Variants in NFATC1 observed in about 807,000 individuals in gnomAD.
NFATC1 encodes nuclear factor of activated T cells 1, also known as nuclear factor of activated T-cells, cytoplasmic 1.
NFATC1 carries 22 observed loss-of-function variants against 76.0 expected under a neutral mutation model. The ratio of observed to expected loss-of-function variants is 0.29; its 90% CI spans 0.21 to 0.41. NFATC1 has a LOEUF of 0.41. Among genes scored for constraint, NFATC1 ranks in the 10% least tolerant of loss-of-function variants. The probability of loss-of-function intolerance (pLI) is 1.00; values close to 1 mark genes in which losing one functional copy is unlikely to be tolerated. For synonymous variants in NFATC1, 704 were observed against 613.1 expected (o/e 1.15, Z -2.19); for missense variants, 1,357 against 1,337.7 (o/e 1.01, Z -0.23).
chr18:79,487,385 G>A lies in NFATC1; in HGVS notation c.2782+448G>A, dbSNP rs1271505356. On this transcript the variant is annotated intron_variant, in intron 9 of 9. Transcript: ENST00000427363. ...GACAACAGCTTAGCCGAGGTGACGAGCACGTTACCCCGTGCGGCTCTGTAA... is the reference window on the plus strand; with the variant it reads ...GACAACAGCTTAGCCGAGGTGACGAACACGTTACCCCGTGCGGCTCTGTAA... Among the ~76,000 whole-genome samples, 12 of 152,340 alleles carry A rather than the reference G, an allele frequency of 7.9e-5. No homozygotes were observed. In the East Asian group the frequency reaches 2.1e-3, roughly 27 times the overall value.
At chr18:79,462,238 C>G (rs7237285) in intron 7 of NFATC1, among the ~76,000 whole-genome samples, 8,431 of 152,272 alleles carry the variant, frequency 0.055, 750 homozygotes, top group African/African-American at 0.19. Context: ...AAAGTGGTTT[C>G]TTGGAGGCAA....
chr18:79,437,590 G>A (rs1006758194), intron 3 of NFATC1, among the ~76,000 whole-genome samples: 14 of 152,228 alleles, frequency 9.2e-5, no homozygotes, highest in Admixed American at 6.5e-5. Context: ...AAAGTGATGC[G>A]TGGCGGATGT....
intron 2 of NFATC1, among the ~76,000 whole-genome samples, chr18:79,423,676 C>T (rs1417393373): frequency 4.6e-5 from 7 of 152,146 alleles, no homozygotes; most frequent in African/African-American, 1.2e-4. Flanking sequence ...CCTCACCCGG[C>T]GGGCAGGAGG....
At chr18:79,445,874 C>G (rs1445692537) in intron 3 of NFATC1, among the ~76,000 whole-genome samples, 1 of 152,222 alleles carries the variant, frequency 6.6e-6, no homozygotes, top group African/African-American at 2.4e-5. Context: ...GTGCACGCAG[C>G]TGAGTTCCAC....
intron 8 of NFATC1, chr18:79,467,998 C>T: frequency 9.9e-7 from 1 of 1,006,876 alleles, no homozygotes. Context: ...GCTTTTAAGC[C>T]TGTAGTCCTG....
intron 2 of NFATC1, 79 bp from the exon 3 acceptor site, chr18:79,433,500 G>A (rs1409512347): frequency 3.0e-5 from 47 of 1,556,486 alleles, no homozygotes; most frequent in Non-Finnish European, 4.0e-5. Flanking sequence ...CCAAGATGGC[G>A]ACGGGTGAGC....
At chr18:79,450,265 G>A (rs1198867582) in intron 4 of NFATC1, among the ~76,000 whole-genome samples, 1 of 152,118 alleles carries the variant, frequency 6.6e-6, no homozygotes, top group Non-Finnish European at 1.5e-5. Context: ...TACATGGAAT[G>A]TTTTACTGGA....
At chr18:79,397,250 T>G (rs1028649394) in intron 1 of NFATC1, among the ~76,000 whole-genome samples, 2 of 152,270 alleles carry the variant, frequency 1.3e-5, no homozygotes, top group Admixed American at 6.5e-5. Context: ...GCAATGCTAA[T>G]GGAAATTGGA....
chr18:79,424,092 C>T (rs978314361), intron 2 of NFATC1, among the ~76,000 whole-genome samples: 7 of 152,226 alleles, frequency 4.6e-5, no homozygotes, highest in Non-Finnish European at 1.0e-4. Flanking sequence ...AAGAAAACCA[C>T]GTGGTCTGTG....
chr18:79,448,629 C>T, intron 3 of NFATC1, 153 bp from the exon 4 acceptor site: 1 of 727,684 alleles, frequency 1.4e-6, no homozygotes, highest in Non-Finnish European at 2.3e-6. Context: ...ATCTGATTTA[C>T]AAAGACACCA....
At position 79,410,166 on chromosome 18, in the gene NFATC1, G is replaced by C. The variant is rs1178520197; in HGVS notation, c.128-237G>C. 3 of 762,904 alleles carry C rather than the reference G, an allele frequency of 3.9e-6. No individual in the cohort carries two copies. The East Asian group carries it at 7.4e-5, about 19-fold the overall frequency. The allele number at this position is 762,904 out of a possible 1,614,324, so 47.3% of individuals were successfully genotyped here. ...GGGGGCTTGTGCTGCTGTTAGGGGA[G>C]GAGGGGAGGTGGGCAGTGAGGGGCT... On this transcript the variant is annotated intron_variant, in intron 1 of 9. Transcript: ENST00000427363. This position sits in a 1 kb window ranked among gnomAD's most constrained non-coding sequence, Gnocchi z 6.7.
chr18:79,446,751 GGTCTTAGCA>G (rs905667600), intron 3 of NFATC1, among the ~76,000 whole-genome samples: 2 of 152,184 alleles, frequency 1.3e-5, no homozygotes, highest in African/African-American at 4.8e-5. Flanking sequence ...AGAGTTACGT[GGTCTTAGCA>G]GTAATCACTT....
chr18:79,444,275 C>T (rs895663857), intron 3 of NFATC1, among the ~76,000 whole-genome samples: 6 of 152,148 alleles, frequency 3.9e-5, no homozygotes, highest in African/African-American at 7.2e-5. Flanking sequence ...TGTGTGCCCA[C>T]GTGTGTTCAC....
chr18:79,497,628 G>T (rs1256609891), intron 9 of NFATC1: 1 of 152,058 alleles, frequency 6.6e-6, no homozygotes, highest in Non-Finnish European at 1.5e-5. Context: ...GAAAAACCTT[G>T]GAGATTCCCG....
intron 1 of NFATC1, chr18:79,402,210 G>C (rs774528092): frequency 4.5e-6 from 2 of 443,620 alleles, no homozygotes; most frequent in South Asian, 9.5e-5. Context: ...AGGCTTATCC[G>C]GGAAGACGCA....
At chr18:79,481,775 C>T (rs1445467262) in intron 8 of NFATC1, among the ~76,000 whole-genome samples, 1 of 148,060 alleles carries the variant, frequency 6.8e-6, no homozygotes, top group South Asian at 2.1e-4. Context: ...GTAATTCCAG[C>T]GTGACCTGGT....
chr18:79,507,690 C>G (rs1660141), intron 9 of NFATC1, among the ~76,000 whole-genome samples: 112,167 of 151,820 alleles, frequency 0.74, 41,947 homozygotes, highest in Non-Finnish European at 0.79. Context: ...GGACACCAGG[C>G]TTCTGCACCC....
chr18:79,486,699 T>G lies in NFATC1; in HGVS notation c.2544T>G (p.Ser848=), dbSNP rs1441769086. The G allele has an allele frequency of 2.5e-6, 4 of 1,598,390 alleles. No homozygotes were observed. Among genetic ancestry groups the G allele is most frequent in the Non-Finnish European group, 3.4e-6 (4 of 1,175,042 alleles). ...LEHSLCPSSP[S]PPLPPATQEP... ...ACTCGCTCTGCCCCAGCAGCCCCTC[T>G]CCTCCACTCCCGCCTGCCACCCAAG... is the stretch of plus-strand genomic sequence containing the variant. The change falls in exon 9 of 10, where the codon TCT becomes TCG. Residue 848 remains serine (S), a synonymous_variant. Coordinates refer to ENST00000427363, the MANE Select transcript of NFATC1 (RefSeq NM_001278669.2).
chr18:79,400,274 G>GGGGACGGGGGGA, intron 1 of NFATC1: 1 of 1,108,902 alleles, frequency 9.0e-7, no homozygotes, highest in Non-Finnish European at 1.1e-6. Context: ...GGGGCGGGGC[G>GGGGACGGGGGGA]GGGACGGGGG....
Sources: gnomAD v4.1 joint callset for allele counts (sites outside exome capture counted in the v4.1 genomes callset) on GRCh38, gnomAD v4.1.1 for gene constraint, Gnocchi (gnomAD v3.1) non-coding constraint, MANE v1.5 for transcripts, NCBI Gene and HGNC (gene_info 2026-07-23, HGNC 2026-07-21) for gene names.